TRMT9B: variants seen among roughly 807,000 people sequenced by gnomAD.
The protein encoded by TRMT9B is tRNA methyltransferase 9B (putative), also known as probable tRNA methyltransferase 9B.
In TRMT9B, 16 loss-of-function variants were observed where a neutral mutation model predicts 11.5. The ratio of observed to expected loss-of-function variants is 1.39; its 90% CI spans 0.94 to 2.11. The LOEUF is 2.11. TRMT9B is among the 30% of genes most tolerant of loss of function. The pLI is 0.00. For synonymous variants in TRMT9B, 274 were observed against 192.4 expected (o/e 1.42, Z -3.51); for missense variants, 941 against 553.8 (o/e 1.70, Z -7.02).
intron 4 of TRMT9B, among the ~76,000 whole-genome samples, chr8:13,018,177 G>C (rs1563445694): frequency 6.6e-6 from 1 of 150,934 alleles, no homozygotes; most frequent in Non-Finnish European, 1.5e-5. Flanking sequence ...TGAGGCAGGA[G>C]GATGGCTTGA....
At chr8:12,999,652 C>T in intron 2 of TRMT9B, among the ~76,000 whole-genome samples, 1 of 152,056 alleles carries the variant, frequency 6.6e-6, no homozygotes, top group East Asian at 1.9e-4. Flanking sequence ...TATGGGCTAA[C>T]CAAAGATGTG....
intron 2 of TRMT9B, among the ~76,000 whole-genome samples, chr8:12,993,129 T>G (rs1484544352): frequency 1.3e-5 from 2 of 152,188 alleles, no homozygotes; most frequent in Admixed American, 1.3e-4. Context: ...TCTGAGGTAC[T>G]GTCGTTGCAC....
intron 1 of TRMT9B, among the ~76,000 whole-genome samples, chr8:12,950,222 C>A (rs1429838149): frequency 6.6e-6 from 1 of 152,176 alleles, no homozygotes; most frequent in Non-Finnish European, 1.5e-5. Flanking sequence ...CTGACAATGT[C>A]ACCTATAACT....
At position 13,017,768 on chromosome 8, in the gene TRMT9B, C is replaced by T. The variant is rs537491859; in HGVS notation, c.329-3240C>T. Reference sequence around the variant, plus strand: ...AACTTGGACCATAGACACACACCACCACGCCCAGCTAATTTTTTTTATTTT... The same window carrying T: ...AACTTGGACCATAGACACACACCACTACGCCCAGCTAATTTTTTTTATTTT... On this transcript the variant is annotated intron_variant, in intron 4 of 4. Transcript: ENST00000524591. Among the ~76,000 whole-genome samples the T allele has an allele frequency of 5.3e-5, 8 of 151,806 alleles. No homozygotes were observed. In the South Asian group the frequency reaches 1.7e-3, roughly 32 times the overall value.
At chr8:12,995,919 C>T (rs1005045039) in intron 2 of TRMT9B, among the ~76,000 whole-genome samples, 6 of 152,120 alleles carry the variant, frequency 3.9e-5, no homozygotes, top group African/African-American at 1.4e-4. Flanking sequence ...ACAGATGATC[C>T]ACATGAGAGT....
At chr8:13,010,135 CTGA>C in intron 3 of TRMT9B, 1 of 410,094 alleles carries the variant, frequency 2.4e-6, no homozygotes, top group Non-Finnish European at 3.2e-6. Flanking sequence ...GAGACCCTAT[CTGA>C]AAAAAAAAAA....
intron 1 of TRMT9B, among the ~76,000 whole-genome samples, chr8:12,980,413 A>G (rs893483137): frequency 1.3e-5 from 2 of 151,816 alleles, no homozygotes; most frequent in African/African-American, 4.8e-5. Flanking sequence ...TTTTTTCCAA[A>G]TAAGGTCATA....
intron 1 of TRMT9B, among the ~76,000 whole-genome samples, chr8:12,978,877 AC>A (rs1335959284): frequency 6.6e-6 from 1 of 152,222 alleles, no homozygotes; most frequent in Non-Finnish European, 1.5e-5. Context: ...GTCTATAATT[AC>A]ATTTCTCTCT....
At position 13,012,658 on chromosome 8, in the gene TRMT9B, A is replaced by G. The variant is rs746616247; in HGVS notation, c.155-26A>G. 3.1e-6 allele frequency: 5 copies of G among 1,594,468 alleles called. No individual in the cohort carries two copies. The South Asian group carries it at 5.6e-5, about 18-fold the overall frequency. On this transcript the variant is annotated intron_variant, in intron 3 of 4. Transcript: ENST00000524591. ...TTTCACATTTTCCATTGAGGATAGC[A>G]TGTAACGCAGGTTTTTCTCTTATAG...
chr8:12,986,709 A>C lies in TRMT9B; in HGVS notation c.-199-4125A>C, dbSNP rs1585214682. On this transcript the variant is annotated intron_variant, in intron 1 of 4. Coordinates refer to ENST00000524591, the MANE Select transcript of TRMT9B (RefSeq NM_020844.3). ...CCTTATTTTAGGATAGTAGTGGTAC[A>C]TTGTACTGTATCAGGCTTATTATCA... 2.0e-5 allele frequency among the ~76,000 whole-genome samples: 3 copies of C among 152,278 alleles called. No individual in the cohort carries two copies. In the South Asian group the frequency reaches 6.2e-4, roughly 32 times the overall value.
intron 1 of TRMT9B, chr8:12,961,736 C>T (rs1802143522): frequency 6.6e-6 from 1 of 151,064 alleles, no homozygotes; most frequent in Admixed American, 6.6e-5. Flanking sequence ...GAAAACGTTA[C>T]CTTCAGGGAT....
intron 4 of TRMT9B, among the ~76,000 whole-genome samples, chr8:13,018,096 C>A: frequency 2.0e-5 from 1 of 50,680 alleles, no homozygotes; most frequent in African/African-American, 8.2e-5. Context: ...TAAGGACTTT[C>A]TTAAAAAAAA....
intron 4 of TRMT9B, among the ~76,000 whole-genome samples, chr8:13,015,847 G>A (rs529697960): frequency 2.6e-5 from 4 of 152,062 alleles, no homozygotes; most frequent in South Asian, 4.2e-4. Context: ...TACCATCTTC[G>A]AATTAAAAAT....
At position 12,963,239 on chromosome 8, in the gene TRMT9B, T is replaced by C. The variant is rs1260845144; in HGVS notation, c.-200+17273T>C. On this transcript the variant is annotated intron_variant, in intron 1 of 4. Transcript: ENST00000524591. ...ATGAGGTCAGGAGTTTGAGACCAGC[T>C]GGCCAATATAGTGAAACACCGTCTC... Among the ~76,000 whole-genome samples, 3 of 152,250 alleles carry C rather than the reference T, an allele frequency of 2.0e-5. No homozygotes were observed. The East Asian group carries it at 5.8e-4, about 29-fold the overall frequency.
At chr8:12,981,400 C>T (rs1010535975) in intron 1 of TRMT9B, among the ~76,000 whole-genome samples, 14 of 152,010 alleles carry the variant, frequency 9.2e-5, no homozygotes, top group African/African-American at 1.4e-4. Context: ...GGGCTTTAGG[C>T]GACATGCTCA....
At chr8:12,976,003 C>A (rs756154367) in intron 1 of TRMT9B, among the ~76,000 whole-genome samples, 1 of 152,184 alleles carries the variant, frequency 6.6e-6, no homozygotes, top group Non-Finnish European at 1.5e-5. Context: ...GCAACAGAAA[C>A]TGACTCGTGA....
chr8:12,990,850 A>G lies in TRMT9B; in HGVS notation c.-183A>G, dbSNP rs77826707. Reference sequence around the variant, plus strand: ...TCCTGATAGGGCCTGTGCTTCCTTCAGAGACTCACACAAGAGGTTTATCAT... The same window carrying G: ...TCCTGATAGGGCCTGTGCTTCCTTCGGAGACTCACACAAGAGGTTTATCAT... On this transcript the variant is annotated 5_prime_UTR_variant, in exon 2 of 5. Coordinates refer to ENST00000524591, the MANE Select transcript of TRMT9B (RefSeq NM_020844.3). The G allele has an allele frequency of 0.013, 16,907 of 1,289,304 alleles. 131 individuals are homozygous for G. The highest frequency in any genetic ancestry group is 0.015 in the Non-Finnish European group (15,230 of 988,338). The allele number at this position is 1,289,304 out of a possible 1,614,324, so 79.9% of individuals were successfully genotyped here.
chr8:12,970,391 T>TAACA (rs1188814909), intron 1 of TRMT9B, among the ~76,000 whole-genome samples: 1 of 152,236 alleles, frequency 6.6e-6, no homozygotes, highest in Non-Finnish European at 1.5e-5. Flanking sequence ...CATCCCAACC[T>TAACA]AACAGTGAAG....
intron 1 of TRMT9B, among the ~76,000 whole-genome samples, chr8:12,985,590 C>T (rs1424846425): frequency 1.3e-5 from 2 of 152,154 alleles, no homozygotes; most frequent in Non-Finnish European, 2.9e-5. Context: ...AGCTTTGAGA[C>T]AGTACGGACC....
Sources: gnomAD v4.1 joint callset for allele counts (sites outside exome capture counted in the v4.1 genomes callset) on GRCh38, gnomAD v4.1.1 for gene constraint, MANE v1.5 for transcripts, NCBI Gene and HGNC (gene_info 2026-07-23, HGNC 2026-07-21) for gene names.